TF: variants seen among roughly 807,000 people sequenced by gnomAD.
TF encodes transferrin.
Under a neutral mutation model 82.4 loss-of-function variants are expected in TF, and 55 were observed. The observed-to-expected ratio is 0.67, with a 90% confidence interval of 0.54 to 0.84. The LOEUF (loss-of-function observed/expected upper bound fraction) is 0.84. Among genes scored for constraint, TF ranks in the 40% least tolerant of loss-of-function variants. TF has a pLI of 0.00. For synonymous variants in TF, 332 were observed against 332.6 expected, an observed-to-expected ratio of 1.00 and a Z score of 0.02; for missense variants, 737 against 868.4, an observed-to-expected ratio of 0.85 and a Z score of 1.90.
Position 133,748,592 on chromosome 3 carries a change from G to C in TF, c.216+8G>C, listed in dbSNP as rs770403167. 6.2e-7 allele frequency: 1 copy of C among 1,613,854 alleles called. No homozygotes were observed. The highest frequency in any genetic ancestry group is 1.3e-5 in the African/African-American group (1 of 74,902). ...TGCATCAGGGCCATTGCGGTAAGTC[G>C]CTGCTGCCTAAAAGAGAGTGGAAGA... On this transcript the variant is annotated splice_region_variant and intron_variant, in intron 2 of 16. Transcript: ENST00000402696.
At chr3:133,673,022 A>C in the TF span, among the ~76,000 whole-genome samples, 3 of 152,094 alleles carry the variant, frequency 2.0e-5, no homozygotes, top group African/African-American at 7.2e-5. Context: ...CACCAGCAAA[A>C]ATTTTGCATA....
At chr3:133,776,923 C>T (rs1223210483) in intron 15 of TF, 126 bp from the exon 16 acceptor site, 6 of 861,144 alleles carry the variant, frequency 7.0e-6, no homozygotes, top group Non-Finnish European at 1.1e-5. Flanking sequence ...GGAAAATTCC[C>T]AAGACATACT....
chr3:133,777,205 G>A lies in TF; in HGVS notation c.2029G>A (p.Ala677Thr), dbSNP rs753568499. Reference sequence around the variant, plus strand: ...ATACTTAGGAGAAGAATATGTCAAGGCTGTTGGTAACCTGAGAAAATGCTC... The same window carrying A: ...ATACTTAGGAGAAGAATATGTCAAGACTGTTGGTAACCTGAGAAAATGCTC... Reference protein sequence around the residue: ...EKYLGEEYVKAVGNLRKCSTS... With the variant: ...EKYLGEEYVKTVGNLRKCSTS... The change falls in exon 16 of 17, where the codon GCT becomes ACT. Residue 677 changes from alanine (A) to threonine (T), a missense_variant. Ala to Thr is a moderately conservative substitution (Grantham distance 58, BLOSUM62 0). Coordinates refer to ENST00000402696, the MANE Select transcript of TF (RefSeq NM_001063.4). The A allele has an allele frequency of 1.2e-6, 2 of 1,613,664 alleles. No individual in the cohort carries two copies. Among genetic ancestry groups the A allele is most frequent in the South Asian group, 2.2e-5 (2 of 91,082 alleles).
the TF span, among the ~76,000 whole-genome samples, chr3:133,697,106 G>T: frequency 6.6e-6 from 1 of 151,998 alleles, no homozygotes; most frequent in African/African-American, 2.4e-5. Flanking sequence ...TTGTTCCCTT[G>T]TTCAGTTATT....
At chr3:133,714,626 G>A in the TF span, among the ~76,000 whole-genome samples, 72,666 of 151,888 alleles carry the variant, frequency 0.48, 19,368 homozygotes, top group East Asian at 0.79. Flanking sequence ...CTTAGCTTCA[G>A]ACCTCTCATT....
At chr3:133,708,975 C>T in the TF span, among the ~76,000 whole-genome samples, 1 of 151,996 alleles carries the variant, frequency 6.6e-6, no homozygotes, top group African/African-American at 2.4e-5. Context: ...GACTCCCACC[C>T]ATAGTGAAAG....
At chr3:133,727,570 T>C in the TF span, among the ~76,000 whole-genome samples, 16,529 of 69,214 alleles carry the variant, frequency 0.24, 2,677 homozygotes, top group East Asian at 0.49. Flanking sequence ...AGATGGGTTT[T>C]CTGAATACAG....
At chr3:133,722,808 T>C in the TF span, among the ~76,000 whole-genome samples, 6 of 152,244 alleles carry the variant, frequency 3.9e-5, no homozygotes, top group Admixed American at 2.0e-4. Context: ...GAGTTTTACA[T>C]AGCACCATTA....
At chr3:133,672,676 A>G in the TF span, among the ~76,000 whole-genome samples, 1 of 138,736 alleles carries the variant, frequency 7.2e-6, no homozygotes, top group African/African-American at 2.6e-5. Context: ...TCACTGAACT[A>G]TGATCCCACA....
chr3:133,724,494 A>G, the TF span, among the ~76,000 whole-genome samples: 1 of 152,166 alleles, frequency 6.6e-6, no homozygotes, highest in African/African-American at 2.4e-5. Context: ...CCCACATTTG[A>G]TGGGGTTGTT....
At chr3:133,682,685 G>A in the TF span, among the ~76,000 whole-genome samples, 2 of 152,276 alleles carry the variant, frequency 1.3e-5, no homozygotes, top group South Asian at 4.1e-4. Flanking sequence ...AACGAACAAA[G>A]CCTCCAAGAA....
chr3:133,725,696 G>C, the TF span, among the ~76,000 whole-genome samples: 2 of 151,848 alleles, frequency 1.3e-5, no homozygotes, highest in African/African-American at 4.8e-5. Context: ...ACACTATGTT[G>C]AATAGGAGTG....
chr3:133,746,553 C>A, intron 1 of TF, 70 bp downstream of exon 1: 2 of 1,519,014 alleles, frequency 1.3e-6, no homozygotes, highest in Non-Finnish European at 1.8e-6. Context: ...GGGCGGCCAC[C>A]GCGCAGCCTG....
At chr3:133,741,780 T>C (rs1268042906), upstream of TF, among the ~76,000 whole-genome samples, 1 of 152,242 alleles carries the variant, frequency 6.6e-6, no homozygotes, top group Non-Finnish European at 1.5e-5. Context: ...TTGGTAATTA[T>C]TTATTAATCT....
intron 12 of TF, 116 bp downstream of exon 12, chr3:133,766,549 A>G: frequency 7.0e-7 from 1 of 1,428,804 alleles, no homozygotes; most frequent in Non-Finnish European, 9.7e-7. Context: ...GAGAAGTAGA[A>G]TTTGGTCAAA....
chr3:133,692,279 G>A, the TF span, among the ~76,000 whole-genome samples: 4 of 152,310 alleles, frequency 2.6e-5, no homozygotes, highest in African/African-American at 9.6e-5. Context: ...TCCCATACTT[G>A]TCCATTAGTG....
intron 9 of TF, chr3:133,761,491 C>T (rs1179187236): frequency 6.6e-6 from 1 of 151,708 alleles, no homozygotes; most frequent in Non-Finnish European, 1.5e-5. Context: ...GAGACACCAT[C>T]TCAAAAAAAT....
intron 16 of TF, chr3:133,777,460 A>C (rs1226100734): frequency 3.6e-6 from 2 of 557,198 alleles, no homozygotes; most frequent in East Asian, 6.1e-5. Flanking sequence ...TAGTGAACTT[A>C]TTGGGTATAG....
chr3:133,778,057 A>G (rs1026488911), intron 16 of TF: 10 of 168,020 alleles, frequency 6.0e-5, no homozygotes, highest in Non-Finnish European at 1.2e-4. Flanking sequence ...GCATTTGAAA[A>G]GCTGCCCCCA....
Sources: allele counts gnomAD v4.1 joint callset (sites outside exome capture counted in the v4.1 genomes callset), GRCh38; gene constraint gnomAD v4.1.1; transcripts MANE v1.5; gene names NCBI Gene and HGNC (gene_info 2026-07-23, HGNC 2026-07-21).